Variants in MED13L observed in about 807,000 individuals in gnomAD.
MED13L encodes the protein mediator complex subunit 13L.
In MED13L, 7 loss-of-function variants were observed where a neutral mutation model predicts 220.9. That is an observed-to-expected ratio of 0.03 (90% confidence interval 0.02 to 0.06). MED13L has a LOEUF of 0.06. Among genes scored for constraint, MED13L ranks in the 10% least tolerant of loss-of-function variants. The probability of loss-of-function intolerance (pLI) is 1.00; values close to 1 mark genes in which losing one functional copy is unlikely to be tolerated. For missense variants in MED13L, 1,965 were observed against 2,760.5 expected (o/e 0.71, Z 6.46); for synonymous variants, 1,011 against 1,015.2 (o/e 1.00, Z 0.08).
At position 116,270,428 on chromosome 12, in the gene MED13L, A is replaced by C. The variant is rs541546933; in HGVS notation, c.72+6632T>G. On this transcript the variant is annotated intron_variant, in intron 1 of 30. Coordinates refer to ENST00000281928, the MANE Select transcript of MED13L (RefSeq NM_015335.5). Reference sequence around the variant, plus strand: ...GCAAAGTGATGGGATTACAGGCTTGAGCCACCACGCCCAGCTAGATAATCT... The same window carrying C: ...GCAAAGTGATGGGATTACAGGCTTGCGCCACCACGCCCAGCTAGATAATCT... Among the ~76,000 whole-genome samples, 15 of 152,266 alleles carry C rather than the reference A, an allele frequency of 9.9e-5. No individual in the cohort carries two copies. In the South Asian group the frequency reaches 2.9e-3, roughly 29 times the overall value.
At chr12:116,199,171 T>A (rs1364325088) in intron 2 of MED13L, among the ~76,000 whole-genome samples, 1 of 152,158 alleles carries the variant, frequency 6.6e-6, no homozygotes, top group Non-Finnish European at 1.5e-5. Context: ...CTGGTCCCAT[T>A]TTTTTTATCT....
At chr12:116,013,112 C>T (rs370120321) in intron 8 of MED13L, among the ~76,000 whole-genome samples, 1 of 152,164 alleles carries the variant, frequency 6.6e-6, no homozygotes, top group Non-Finnish European at 1.5e-5. Context: ...GTGGTTCATA[C>T]TTGTAATCCC....
intron 2 of MED13L, among the ~76,000 whole-genome samples, chr12:116,169,541 A>G (rs1048995661): frequency 6.6e-6 from 1 of 152,198 alleles, no homozygotes; most frequent in Non-Finnish European, 1.5e-5. Context: ...AATATATAAC[A>G]ATACGTTGTT....
chr12:116,184,899 T>C (rs1219049667), intron 2 of MED13L, among the ~76,000 whole-genome samples: 2 of 152,150 alleles, frequency 1.3e-5, no homozygotes, highest in Non-Finnish European at 2.9e-5. Context: ...GGAAATAGTA[T>C]TGTGCATGGT....
intron 16 of MED13L, among the ~76,000 whole-genome samples, chr12:115,992,790 T>C (rs1300595340): frequency 6.6e-6 from 1 of 152,210 alleles, no homozygotes; most frequent in Non-Finnish European, 1.5e-5. Context: ...ATTATTTTAG[T>C]TGCCCAAGAC....
chr12:116,111,147 T>C (rs183851190), intron 3 of MED13L, among the ~76,000 whole-genome samples: 2 of 152,238 alleles, frequency 1.3e-5, no homozygotes, highest in African/African-American at 2.4e-5. Flanking sequence ...AAAAAGAACA[T>C]CAATCTTGAG....
intron 29 of MED13L, among the ~76,000 whole-genome samples, 182 bp from the exon 30 acceptor site, chr12:115,963,701 T>C (rs1430026279): frequency 6.6e-6 from 1 of 152,018 alleles, no homozygotes; most frequent in African/African-American, 2.4e-5. Flanking sequence ...CTTCTTATCC[T>C]AGAGTTGGAA....
rs191359232 is a variant in MED13L, at chr12:115,990,050, T to G, written c.3934+970A>C. 3.6e-3 allele frequency among the ~76,000 whole-genome samples: 554 copies of G among 152,202 alleles called. 20 individuals are homozygous for G. Among genetic ancestry groups the G allele is most frequent in the Non-Finnish European group, 3.5e-4 (24 of 68,008 alleles). On this transcript the variant is annotated intron_variant, in intron 17 of 30. Transcript: ENST00000281928. ...CAACCCCTAGCATGCCTCTAAAGAGTCACTGTAATCTAGCCCCTGCATGCT... is the reference window on the plus strand; with the variant it reads ...CAACCCCTAGCATGCCTCTAAAGAGGCACTGTAATCTAGCCCCTGCATGCT...
At chr12:116,092,082 T>C (rs1197775084) in intron 4 of MED13L, among the ~76,000 whole-genome samples, 1 of 152,238 alleles carries the variant, frequency 6.6e-6, no homozygotes, top group African/African-American at 2.4e-5. Flanking sequence ...TTATGCATGA[T>C]TATGTAAGTC....
intron 4 of MED13L, among the ~76,000 whole-genome samples, chr12:116,061,520 T>C (rs949345424): frequency 6.6e-6 from 1 of 152,156 alleles, no homozygotes; most frequent in African/African-American, 2.4e-5. Context: ...CTCATAGATA[T>C]ATAAACATAA....
chr12:116,226,563 T>C (rs1167603765), intron 2 of MED13L, among the ~76,000 whole-genome samples: 2 of 152,202 alleles, frequency 1.3e-5, no homozygotes, highest in African/African-American at 2.4e-5. Context: ...AATTTCATGA[T>C]GTTCTATACT....
chr12:116,177,186 T>C (rs1177475603), intron 2 of MED13L, among the ~76,000 whole-genome samples: 1 of 151,958 alleles, frequency 6.6e-6, no homozygotes, highest in East Asian at 1.9e-4. Context: ...AAAATCAACT[T>C]CCTAGAACGC....
intron 4 of MED13L, among the ~76,000 whole-genome samples, chr12:116,064,492 TTC>T (rs1869763164): frequency 6.6e-6 from 1 of 152,114 alleles, no homozygotes; most frequent in Admixed American, 6.5e-5. Flanking sequence ...TTGATTAAGT[TTC>T]TCTGTTCCTA....
intron 2 of MED13L, among the ~76,000 whole-genome samples, chr12:116,206,832 G>A (rs1230096463): frequency 1.3e-5 from 2 of 152,034 alleles, no homozygotes; most frequent in Non-Finnish European, 2.9e-5. Flanking sequence ...GCCTTGTTTT[G>A]TAGATTTGAC....
intron 2 of MED13L, among the ~76,000 whole-genome samples, chr12:116,115,569 T>A (rs372916336): frequency 3.3e-5 from 5 of 151,754 alleles, no homozygotes; most frequent in Admixed American, 2.6e-4. Flanking sequence ...GGAAAAGACA[T>A]GCCACAGATG....
chr12:116,091,362 T>G (rs1321182112), intron 4 of MED13L, among the ~76,000 whole-genome samples: 1 of 152,008 alleles, frequency 6.6e-6, no homozygotes, highest in African/African-American at 2.4e-5. Flanking sequence ...TTCTTTTAAG[T>G]TATTAAGAAA....
At chr12:116,259,214 T>G (rs1226452596) in intron 1 of MED13L, among the ~76,000 whole-genome samples, 1 of 152,128 alleles carries the variant, frequency 6.6e-6, no homozygotes, top group Admixed American at 6.5e-5. Context: ...TATATCTAAA[T>G]TTACTGACAT....
In MED13L at chr12:115,984,336, C is replaced by T; in HGVS notation, c.4375G>A (p.Val1459Met). 6.2e-7 allele frequency: 1 copy of T among 1,614,106 alleles called. No homozygotes were observed. The highest frequency in any genetic ancestry group is 8.5e-7 in the Non-Finnish European group (1 of 1,179,996). The change falls in exon 20 of 31, where the codon GTG becomes ATG. Residue 1459 changes from valine (V) to methionine (M), a missense_variant. Physicochemically the swap from Val to Met is conservative, Grantham distance 21 (BLOSUM62 1). Coordinates refer to ENST00000281928, the MANE Select transcript of MED13L (RefSeq NM_015335.5). ...RLGQHKPICK[V>M]LRDGIMRVGK... is the part of the protein sequence containing the mutation. The stretch of plus-strand genomic sequence containing the variant: ...ACGCGCATGATCCCGTCACGTAGCA[C>T]TTTGCAGATGGGCTTGTGCTGCCCA...
intron 1 of MED13L, among the ~76,000 whole-genome samples, chr12:116,244,961 T>A (rs998295966): frequency 6.6e-6 from 1 of 151,814 alleles, no homozygotes; most frequent in Non-Finnish European, 1.5e-5. Context: ...CAAAATAAAA[T>A]TAAAAGAAAA....
Sources: gnomAD v4.1 joint callset for allele counts (sites outside exome capture counted in the v4.1 genomes callset) on GRCh38, gnomAD v4.1.1 for gene constraint, MANE v1.5 for transcripts, NCBI Gene and HGNC (gene_info 2026-07-23, HGNC 2026-07-21) for gene names.